Variants in MBNL2 observed in about 807,000 individuals in gnomAD.
The protein encoded by MBNL2 is muscleblind-like protein 2.
Under a neutral mutation model 41.9 loss-of-function variants are expected in MBNL2, and 17 were observed. The observed-to-expected ratio is 0.41, with a 90% CI of 0.28 to 0.61. The LOEUF is 0.61. Among genes scored for constraint, MBNL2 ranks in the 20% least tolerant of loss-of-function variants. The pLI is 0.35. For missense variants in MBNL2, 336 were observed against 505.6 expected (o/e 0.66, Z 3.22); for synonymous variants, 195 against 182.9 (o/e 1.07, Z -0.53).
intron 1 of MBNL2, among the ~76,000 whole-genome samples, chr13:97,273,223 A>G (rs2051450961): frequency 6.6e-6 from 1 of 152,200 alleles, no homozygotes; most frequent in Non-Finnish European, 1.5e-5. Flanking sequence ...TCAAACACTA[A>G]GTGTGTTCAG....
chr13:97,262,445 T>G (rs2048821854), intron 1 of MBNL2, among the ~76,000 whole-genome samples: 1 of 152,228 alleles, frequency 6.6e-6, no homozygotes, highest in Non-Finnish European at 1.5e-5. Context: ...TGGAAGGATC[T>G]TTTGTCGCTT....
chr13:97,161,602 G>A, the MBNL2 span, among the ~76,000 whole-genome samples: 2 of 152,136 alleles, frequency 1.3e-5, no homozygotes, highest in African/African-American at 4.8e-5. Flanking sequence ...TGTAATTTAT[G>A]AATGAGCAGA....
chr13:97,197,666 TG>T, the MBNL2 span, among the ~76,000 whole-genome samples: 1 of 152,250 alleles, frequency 6.6e-6, no homozygotes, highest in Non-Finnish European at 1.5e-5. Context: ...CTTTGATCTA[TG>T]AATGCATTAC....
At chr13:97,327,560 TAAAAAAAA>T (rs71922683) in intron 2 of MBNL2, among the ~76,000 whole-genome samples, 1 of 90,744 alleles carries the variant, frequency 1.1e-5, no homozygotes, top group East Asian at 3.4e-4. Flanking sequence ...ACGTTATTTG[TAAAAAAAA>T]AAAAAAAAAA....
intron 8 of MBNL2, among the ~76,000 whole-genome samples, chr13:97,387,994 C>A (rs990043448): frequency 3.9e-5 from 6 of 152,168 alleles, no homozygotes; most frequent in Admixed American, 3.9e-4. Context: ...GGTGCTGTGC[C>A]TTGGAGGTTG....
At chr13:97,389,099 A>G (rs1170761502) in intron 8 of MBNL2, among the ~76,000 whole-genome samples, 3 of 152,184 alleles carry the variant, frequency 2.0e-5, no homozygotes, top group Non-Finnish European at 4.4e-5. Flanking sequence ...ATAATAGCTC[A>G]TCGGTAGACT....
chr13:97,191,284 A>G, the MBNL2 span, among the ~76,000 whole-genome samples: 2 of 151,022 alleles, frequency 1.3e-5, no homozygotes, highest in Non-Finnish European at 2.9e-5. Context: ...AACCCTTTGC[A>G]GTGGGGAGGA....
chr13:97,162,348 A>G, the MBNL2 span, among the ~76,000 whole-genome samples: 3 of 152,200 alleles, frequency 2.0e-5, no homozygotes, highest in African/African-American at 7.2e-5. Flanking sequence ...GAGAAGAGGA[A>G]AGAGACGGCT....
chr13:97,182,366 T>A, the MBNL2 span, among the ~76,000 whole-genome samples: 2 of 152,234 alleles, frequency 1.3e-5, no homozygotes, highest in African/African-American at 2.4e-5. Flanking sequence ...ACAGAACTAA[T>A]CTTTGCAGCT....
intron 2 of MBNL2, among the ~76,000 whole-genome samples, chr13:97,319,146 G>A (rs1019184086): frequency 2.6e-5 from 4 of 152,138 alleles, no homozygotes; most frequent in African/African-American, 9.7e-5. Flanking sequence ...CTGGAGGGAG[G>A]CAGGTTCTCA....
At chr13:97,383,487 A>C (rs538222113) in intron 8 of MBNL2, among the ~76,000 whole-genome samples, 38 of 152,374 alleles carry the variant, frequency 2.5e-4, no homozygotes, top group African/African-American at 8.7e-4. Flanking sequence ...TATATCTAAA[A>C]ATATTTTGTT....
chr13:97,168,929 T>G, the MBNL2 span, among the ~76,000 whole-genome samples: 3 of 152,164 alleles, frequency 2.0e-5, no homozygotes, highest in Non-Finnish European at 4.4e-5. Flanking sequence ...CCATGTTACA[T>G]AGGAGGTATC....
At chr13:97,279,061 G>A (rs2052798089) in intron 2 of MBNL2, among the ~76,000 whole-genome samples, 4 of 152,200 alleles carry the variant, frequency 2.6e-5, no homozygotes, top group Non-Finnish European at 2.9e-5. Context: ...AGGATTGCAA[G>A]CTGTTTCCAC....
the MBNL2 span, among the ~76,000 whole-genome samples, chr13:97,158,272 G>T: frequency 0.069 from 9,634 of 140,426 alleles, 411 homozygotes; most frequent in East Asian, 0.1. Context: ...TGTGTCTATT[G>T]GATTCTTCTC....
chr13:97,142,689 C>A, the MBNL2 span, among the ~76,000 whole-genome samples: 2 of 152,202 alleles, frequency 1.3e-5, no homozygotes, highest in African/African-American at 2.4e-5. Context: ...AGCCTGACCT[C>A]CGCTTCCGCT....
the MBNL2 span, among the ~76,000 whole-genome samples, chr13:97,200,914 G>A: frequency 6.6e-6 from 1 of 152,060 alleles, no homozygotes; most frequent in Non-Finnish European, 1.5e-5. Context: ...GCAATACTAT[G>A]CTATGACTTA....
chr13:97,301,700 C>T (rs1010653515), intron 2 of MBNL2, among the ~76,000 whole-genome samples: 1 of 152,182 alleles, frequency 6.6e-6, no homozygotes, highest in African/African-American at 2.4e-5. Flanking sequence ...AAAGAAACCC[C>T]ACAAGTCAGT....
At chr13:97,365,463 G>A (rs977588417) in intron 8 of MBNL2, among the ~76,000 whole-genome samples, 4 of 152,144 alleles carry the variant, frequency 2.6e-5, no homozygotes, top group Non-Finnish European at 5.9e-5. Flanking sequence ...ATATGGTATA[G>A]CGTAAGGAAC....
Position 97,315,741 on chromosome 13 carries a change from T to G in MBNL2, c.175-18535T>G, listed in dbSNP as rs149611339. 3.1e-3 allele frequency among the ~76,000 whole-genome samples: 474 copies of G among 152,248 alleles called. 3 individuals carry two copies. The highest frequency in any genetic ancestry group is 0.011 in the African/African-American group (453 of 41,524). ...CCTCAGCATGAAAAGAAAGCAGGGC[T>G]TGGACTGGAAAGGAAGCTCACTCTC... is the stretch of plus-strand genomic sequence containing the variant. On this transcript the variant is annotated intron_variant, in intron 2 of 8. Coordinates refer to ENST00000679496, the MANE Select transcript of MBNL2 (RefSeq NM_001382683.1).
Sources: allele counts gnomAD v4.1 joint callset (sites outside exome capture counted in the v4.1 genomes callset), GRCh38; gene constraint gnomAD v4.1.1; transcripts MANE v1.5; gene names NCBI Gene and HGNC (gene_info 2026-07-23, HGNC 2026-07-21).